Variants in SP4 observed in about 807,000 individuals in gnomAD.
SP4 encodes the protein Sp4 transcription factor, also known as transcription factor Sp4.
A neutral mutation model predicts 72.8 loss-of-function variants in SP4; 19 were observed. The observed-to-expected ratio is 0.26, with a 90% CI of 0.18 to 0.38. The LOEUF (loss-of-function observed/expected upper bound fraction) is 0.38, where lower values mean the gene tolerates loss of function less well. Ranked by LOEUF, SP4 falls within the 10% of genes least tolerant of loss-of-function variation. The pLI, the probability that SP4 is intolerant of heterozygous loss-of-function variation, is 1.00. For synonymous variants in SP4, 395 were observed against 333.1 expected (o/e 1.19, Z -2.02); for missense variants, 1,008 against 926.3 (o/e 1.09, Z -1.14).
chr7:21,448,005 A>G (rs1783479854), intron 3 of SP4, among the ~76,000 whole-genome samples: 1 of 152,214 alleles, frequency 6.6e-6, no homozygotes, highest in South Asian at 2.1e-4. Context: ...ACTTCTTTAC[A>G]TAATAGGATT....
rs1205761651 is a variant in SP4, at chr7:21,465,866, A to G, written c.1679-11213A>G. Among the ~76,000 whole-genome samples, 7 of 150,644 alleles carry G rather than the reference A, an allele frequency of 4.6e-5. No individual in the cohort carries two copies. The South Asian group carries it at 1.1e-3, about 23-fold the overall frequency. The stretch of plus-strand genomic sequence containing the variant: ...CAACAGAGCAAGACCCTGTCTCTTA[A>G]AAAAAAAAGGTTTAATTAAGGCCCT... On this transcript the variant is annotated intron_variant, in intron 3 of 5. Coordinates refer to ENST00000222584, the MANE Select transcript of SP4 (RefSeq NM_003112.5).
intron 3 of SP4, among the ~76,000 whole-genome samples, chr7:21,445,516 A>G (rs1783392389): frequency 6.6e-6 from 1 of 152,154 alleles, no homozygotes; most frequent in Non-Finnish European, 1.5e-5. Context: ...CTGCCATTGT[A>G]TACATCGCAT....
At chr7:21,479,105 T>A (rs2128410305) in intron 4 of SP4, among the ~76,000 whole-genome samples, 1 of 151,982 alleles carries the variant, frequency 6.6e-6, no homozygotes, top group South Asian at 2.1e-4. Flanking sequence ...AAATATTGTC[T>A]CCCATTGTGT....
chr7:21,514,543 AATG>A lies in SP4; in HGVS notation c.*3276_*3278del, dbSNP rs1354967696. 4 of 151,752 alleles carry A rather than the reference AATG, an allele frequency of 2.6e-5. No homozygotes were observed. The highest frequency in any genetic ancestry group is 4.4e-5 in the Non-Finnish European group (3 of 67,838). The allele number at this position is 151,752 out of a possible 1,614,324, so 9.4% of individuals were successfully genotyped here. A position where few individuals can be genotyped will look rare whatever the true frequency, so the allele number is the denominator to read the frequency against. On this transcript the variant is annotated 3_prime_UTR_variant, in exon 6 of 6. Transcript: ENST00000222584. ...TAAATTTTTTTTGTAAAAAAAAAAA[AATG>A]AAAAAAAAAGATGAATCCAGAAAAA...
chr7:21,467,778 A>C (rs886144984), intron 3 of SP4, among the ~76,000 whole-genome samples: 2 of 152,126 alleles, frequency 1.3e-5, no homozygotes, highest in African/African-American at 4.8e-5. Flanking sequence ...TATTATTCAG[A>C]ACAGAAAAAA....
chr7:21,480,947 AC>A (rs778815644), intron 4 of SP4, among the ~76,000 whole-genome samples: 25 of 152,090 alleles, frequency 1.6e-4, no homozygotes, highest in Non-Finnish European at 2.9e-4. Context: ...TGGCTTTTGA[AC>A]CGGGGGTTGA....
chr7:21,453,898 T>G (rs1362309019), intron 3 of SP4, among the ~76,000 whole-genome samples: 1 of 152,240 alleles, frequency 6.6e-6, no homozygotes, highest in Non-Finnish European at 1.5e-5. Context: ...GCTCAAACCT[T>G]TAGCTTTATC....
chr7:21,511,365 A>G lies in SP4; in HGVS notation c.*96A>G, dbSNP rs568598351. ...GGTCAAGTGGATTACAGAGTAGGAA[A>G]TTATGTTTTCATTCTTGGCTTCTTT... On this transcript the variant is annotated 3_prime_UTR_variant, in exon 6 of 6. Coordinates refer to ENST00000222584, the MANE Select transcript of SP4 (RefSeq NM_003112.5). 3.2e-6 allele frequency: 4 copies of G among 1,251,116 alleles called. No individual in the cohort carries two copies. The highest frequency in any genetic ancestry group is 2.4e-5 in the East Asian group (1 of 42,458). 77.5% of individuals were successfully genotyped at this position (1,251,116 alleles called of 1,614,324 possible). A position where few individuals can be genotyped will look rare whatever the true frequency, so the allele number is the denominator to read the frequency against.
chr7:21,487,648 T>C (rs975012098), intron 5 of SP4, among the ~76,000 whole-genome samples: 1 of 152,040 alleles, frequency 6.6e-6, no homozygotes, highest in Admixed American at 6.6e-5. Flanking sequence ...TCTAGAATTT[T>C]ATGTTTCCTC....
At chr7:21,466,674 G>A (rs887371768) in intron 3 of SP4, among the ~76,000 whole-genome samples, 3 of 152,126 alleles carry the variant, frequency 2.0e-5, no homozygotes, top group Non-Finnish European at 4.4e-5. Flanking sequence ...GAAGGTACTC[G>A]GTTATTTCTT....
intron 5 of SP4, among the ~76,000 whole-genome samples, chr7:21,502,103 A>C (rs567987226): frequency 6.9e-6 from 1 of 144,548 alleles, no homozygotes; most frequent in Non-Finnish European, 1.5e-5. Context: ...GATACGTCAA[A>C]TCTCTCCGGT....
chr7:21,438,472 T>C (rs1047772291), intron 3 of SP4, among the ~76,000 whole-genome samples: 3 of 152,200 alleles, frequency 2.0e-5, no homozygotes, highest in Non-Finnish European at 2.9e-5. Flanking sequence ...TAAATTAATA[T>C]ATTTCTGTTC....
chr7:21,445,537 G>A (rs1377151929), intron 3 of SP4, among the ~76,000 whole-genome samples: 2 of 152,088 alleles, frequency 1.3e-5, no homozygotes, highest in East Asian at 3.8e-4. Flanking sequence ...ATTGTTCTAG[G>A]TGCTGGGGAA....
chr7:21,492,581 T>G lies in SP4; in HGVS notation c.2107+10458T>G, dbSNP rs534478291. Among the ~76,000 whole-genome samples, 16 of 152,014 alleles carry G rather than the reference T, an allele frequency of 1.1e-4. No individual in the cohort carries two copies. The East Asian group carries it at 2.9e-3, about 28-fold the overall frequency. On this transcript the variant is annotated intron_variant, in intron 5 of 5. Transcript: ENST00000222584. ...TCAGATAAGGGATACTTGACTGTCA[T>G]CTGAAAAAAATGGAGAAAAGGGAAA...
chr7:21,488,186 G>T (rs1431288124), intron 5 of SP4, among the ~76,000 whole-genome samples: 1 of 152,038 alleles, frequency 6.6e-6, no homozygotes, highest in African/African-American at 2.4e-5. Context: ...TTTATTTTAG[G>T]TAACTGGGTG....
At chr7:21,467,577 A>G (rs528328106) in intron 3 of SP4, among the ~76,000 whole-genome samples, 86 of 152,250 alleles carry the variant, frequency 5.6e-4, no homozygotes, top group Non-Finnish European at 5.6e-4. Flanking sequence ...AGGAATATAC[A>G]TCCTGCTTGC....
At chr7:21,442,737 T>G (rs756783348) in intron 3 of SP4, among the ~76,000 whole-genome samples, 13 of 152,164 alleles carry the variant, frequency 8.5e-5, no homozygotes, top group Non-Finnish European at 1.5e-4. Flanking sequence ...AGTAGTTTTT[T>G]GTTTTGTTTT....
At chr7:21,500,198 A>G (rs148175774) in intron 5 of SP4, among the ~76,000 whole-genome samples, 139 of 152,298 alleles carry the variant, frequency 9.1e-4, no homozygotes, top group Admixed American at 1.6e-3. Flanking sequence ...TGAGATTTTC[A>G]TGAAGAAATG....
Position 21,428,728 on chromosome 7 carries a change from C to A in SP4, c.59C>A (p.Thr20Lys). 6.4e-7 allele frequency: 1 copy of A among 1,554,382 alleles called. No homozygotes were observed. Among genetic ancestry groups the A allele is most frequent in the Non-Finnish European group, 8.7e-7 (1 of 1,148,642 alleles). ...GCGGCAGCGGCAGCGGCGATGGCTA[C>A]AGAAGGAGGGAAAACCTCTGAGCCA... Reference protein sequence around the residue: ...EEAAAAAAMATEGGKTSEPEN... With the variant: ...EEAAAAAAMAKEGGKTSEPEN... Residue 20 changes from threonine (T) to lysine (K), a missense_variant, in exon 2 of 6, where the codon ACA becomes AAA. Coordinates refer to ENST00000222584, the MANE Select transcript of SP4 (RefSeq NM_003112.5).
Sources: gnomAD v4.1 joint callset for allele counts (sites outside exome capture counted in the v4.1 genomes callset) on GRCh38, gnomAD v4.1.1 for gene constraint, MANE v1.5 for transcripts, NCBI Gene and HGNC (gene_info 2026-07-23, HGNC 2026-07-21) for gene names.